FOCAD: variants seen among roughly 807,000 people sequenced by gnomAD.
FOCAD encodes the protein KIAA1797.
A neutral mutation model predicts 225.6 loss-of-function variants in FOCAD; 198 were observed. That is an observed-to-expected ratio of 0.88 (90% confidence interval 0.78 to 0.99). FOCAD has a LOEUF of 0.99. Ranked by LOEUF, FOCAD falls within the 50% of genes least tolerant of loss-of-function variation. The pLI is 0.00. For synonymous variants in FOCAD, 897 were observed against 755.0 expected (o/e 1.19, Z -3.08); for missense variants, 2,713 against 2,123.6 (o/e 1.28, Z -5.46).
intron 4 of FOCAD, among the ~76,000 whole-genome samples, chr9:20,735,604 C>T (rs1452214921): frequency 1.3e-5 from 2 of 151,384 alleles, no homozygotes; most frequent in Non-Finnish European, 2.9e-5. Context: ...TAATCTCAAA[C>T]TCCTGGGCTC....
At position 20,717,863 on chromosome 9, in the gene FOCAD, A is replaced by C; in HGVS notation, c.127A>C (p.Asn43His). ...TTCAGAAAAGATTCACCAATCTACA[A>C]ATCAGGTCTGTGTTTAACTTTATGC... ...GFSEKIHQST[N>H]QTPALNLLWE... The change falls in exon 3 of 44, where the codon AAT becomes CAT. Residue 43 changes from asparagine (N) to histidine (H), a missense_variant. Transcript: ENST00000338382. 6.2e-7 allele frequency: 1 copy of C among 1,611,762 alleles called. No homozygotes were observed. Among genetic ancestry groups the C allele is most frequent in the South Asian group, 1.1e-5 (1 of 91,028 alleles).
intron 24 of FOCAD, among the ~76,000 whole-genome samples, chr9:20,918,711 G>T (rs1261989795): frequency 6.9e-6 from 1 of 145,300 alleles, no homozygotes; most frequent in Non-Finnish European, 1.5e-5. Flanking sequence ...GTGACAGAGC[G>T]AGACTCCGTC....
intron 11 of FOCAD, among the ~76,000 whole-genome samples, chr9:20,797,850 C>T (rs1490516943): frequency 6.6e-6 from 1 of 152,110 alleles, no homozygotes; most frequent in Non-Finnish European, 1.5e-5. Context: ...CCTTCTTCTG[C>T]CTGATTGCCC....
chr9:20,878,011 T>C (rs1298006014), intron 19 of FOCAD, among the ~76,000 whole-genome samples: 2 of 152,180 alleles, frequency 1.3e-5, no homozygotes, highest in Non-Finnish European at 2.9e-5. Flanking sequence ...AATGCAGATA[T>C]ACAAAAATGA....
At chr9:20,917,704 A>C (rs1833990282) in intron 24 of FOCAD, among the ~76,000 whole-genome samples, 1 of 152,110 alleles carries the variant, frequency 6.6e-6, no homozygotes, top group African/African-American at 2.4e-5. Flanking sequence ...TGTGTATTAA[A>C]AGTCCATATC....
intron 9 of FOCAD, among the ~76,000 whole-genome samples, chr9:20,780,803 T>G (rs1819285236): frequency 6.6e-6 from 1 of 152,180 alleles, no homozygotes; most frequent in Non-Finnish European, 1.5e-5. Flanking sequence ...TTTCATAATA[T>G]CTCAGAAACA....
At chr9:20,912,311 G>C (rs1445393540) in intron 22 of FOCAD, among the ~76,000 whole-genome samples, 1 of 152,068 alleles carries the variant, frequency 6.6e-6, no homozygotes, top group Non-Finnish European at 1.5e-5. Flanking sequence ...AACAATGTTA[G>C]CAATATTTTT....
chr9:20,861,985 ATTTAT>A (rs1275701086), intron 15 of FOCAD, among the ~76,000 whole-genome samples: 2 of 152,106 alleles, frequency 1.3e-5, no homozygotes, highest in African/African-American at 4.8e-5. Flanking sequence ...TGGGCTTTAG[ATTTAT>A]TTTATCATTA....
At chr9:20,704,559 ATAGT>A (rs1449804969) in intron 1 of FOCAD, among the ~76,000 whole-genome samples, 1 of 152,194 alleles carries the variant, frequency 6.6e-6, no homozygotes, top group African/African-American at 2.4e-5. Context: ...GGAAATTATA[ATAGT>A]TATTTTTCTC....
intron 10 of FOCAD, among the ~76,000 whole-genome samples, chr9:20,785,937 A>G (rs1182713350): frequency 2.0e-5 from 3 of 151,938 alleles, no homozygotes; most frequent in African/African-American, 7.3e-5. Context: ...TATCTTTTTG[A>G]TGGTTACATC....
intron 11 of FOCAD, among the ~76,000 whole-genome samples, chr9:20,799,149 G>A (rs1821489097): frequency 6.6e-6 from 1 of 152,156 alleles, no homozygotes; most frequent in South Asian, 2.1e-4. Context: ...CCATGTAGTT[G>A]AGCGGTTTTG....
chr9:20,735,207 T>C (rs536876351), intron 4 of FOCAD, among the ~76,000 whole-genome samples: 3 of 152,350 alleles, frequency 2.0e-5, no homozygotes, highest in Non-Finnish European at 4.4e-5. Flanking sequence ...ATGTATGCTG[T>C]AAACATTTTA....
At chr9:20,960,088 T>C (rs956380615) in intron 35 of FOCAD, among the ~76,000 whole-genome samples, 3 of 152,344 alleles carry the variant, frequency 2.0e-5, no homozygotes, top group Non-Finnish European at 4.4e-5. Context: ...TCATCTAGAA[T>C]GTTGCTCTGC....
chr9:20,730,942 A>G (rs1018955748), intron 4 of FOCAD, among the ~76,000 whole-genome samples: 5 of 152,204 alleles, frequency 3.3e-5, no homozygotes, highest in Admixed American at 1.3e-4. Context: ...CAAAAAAACT[A>G]CTTTGATTTC....
intron 36 of FOCAD, 146 bp from the exon 37 acceptor site, chr9:20,978,193 T>C: frequency 1.9e-6 from 1 of 534,084 alleles, no homozygotes; most frequent in Non-Finnish European, 3.4e-6. Flanking sequence ...AACTAACAAG[T>C]CTCTTGAAAT....
intron 23 of FOCAD, among the ~76,000 whole-genome samples, 191 bp downstream of exon 23, chr9:20,913,145 TACACACACACACACACACAC>T (rs56856864): frequency 4.4e-5 from 6 of 137,252 alleles, no homozygotes; most frequent in African/African-American, 5.5e-5. Flanking sequence ...AAATTATACA[TACACACACACACACACACAC>T]ACACACACAC....
chr9:20,949,788 A>G (rs1277344444), intron 33 of FOCAD, 113 bp downstream of exon 33: 2 of 899,890 alleles, frequency 2.2e-6, no homozygotes, highest in Non-Finnish European at 3.5e-6. Context: ...GTCTCTGGTT[A>G]TTCCCGCTGA....
At chr9:20,969,902 C>T (rs1839613371) in intron 35 of FOCAD, among the ~76,000 whole-genome samples, 1 of 151,754 alleles carries the variant, frequency 6.6e-6, no homozygotes, top group South Asian at 2.1e-4. Context: ...GGGTAACAAA[C>T]TCCCTCAACT....
intron 15 of FOCAD, among the ~76,000 whole-genome samples, chr9:20,834,731 A>G (rs1165317627): frequency 6.6e-6 from 1 of 152,030 alleles, no homozygotes; most frequent in Non-Finnish European, 1.5e-5. Flanking sequence ...ATAGACCAGA[A>G]AGGGACAGGA....
Sources: allele counts gnomAD v4.1 joint callset (sites outside exome capture counted in the v4.1 genomes callset), GRCh38; gene constraint gnomAD v4.1.1; transcripts MANE v1.5; gene names NCBI Gene and HGNC (gene_info 2026-07-23, HGNC 2026-07-21).